KCNK12: variants seen among roughly 807,000 people sequenced by gnomAD.
KCNK12 encodes the protein potassium channel subfamily K member 12.
Under a neutral mutation model 25.3 loss-of-function variants are expected in KCNK12, and 6 were observed. The observed-to-expected ratio is 0.24, with a 90% CI of 0.13 to 0.47. The LOEUF is 0.47. Ranked by LOEUF, KCNK12 falls within the 20% of genes least tolerant of loss-of-function variation. The pLI is 0.99. For missense variants in KCNK12, 444 were observed against 661.7 expected, an observed-to-expected ratio of 0.67 and a Z score of 3.61; for synonymous variants, 331 against 311.1, an observed-to-expected ratio of 1.06 and a Z score of -0.67.
chr2:47,539,075 G>C (rs1669138234), intron 1 of KCNK12, among the ~76,000 whole-genome samples: 1 of 152,170 alleles, frequency 6.6e-6, no homozygotes, highest in Non-Finnish European at 1.5e-5. Context: ...AAGCAATGTG[G>C]AGCAAATTTT....
Position 47,515,249 on chromosome 2 carries a change from A to G in KCNK12, c.*5658T>C, listed in dbSNP as rs970341665. ...AACAGGAAGGCCTCTTTCCAGAAAC[A>G]CTGTAAGCCAGTGTTTCTCAGATTG... On this transcript the variant is annotated 3_prime_UTR_variant, in exon 2 of 2. Transcript: ENST00000327876. Among the ~76,000 whole-genome samples the G allele has an allele frequency of 6.6e-6, 1 of 152,170 alleles. No homozygotes were observed. The highest frequency in any genetic ancestry group is 1.5e-5 in the Non-Finnish European group (1 of 68,030).
chr2:47,542,875 T>C (rs1416605965), intron 1 of KCNK12, among the ~76,000 whole-genome samples: 2 of 152,216 alleles, frequency 1.3e-5, no homozygotes, highest in East Asian at 1.9e-4. Context: ...GGCCAACAAA[T>C]ACTTGGGTCA....
intron 1 of KCNK12, among the ~76,000 whole-genome samples, chr2:47,530,198 G>A (rs971293804): frequency 2.0e-5 from 3 of 152,204 alleles, no homozygotes; most frequent in African/African-American, 7.2e-5. Flanking sequence ...AGTGGGAGAT[G>A]GGGGAGGGCT....
chr2:47,564,379 G>A (rs998457798), intron 1 of KCNK12: 2 of 226,976 alleles, frequency 8.8e-6, no homozygotes, highest in Non-Finnish European at 1.8e-5. Flanking sequence ...GAAAGAAAAG[G>A]CCATCTTGCG....
At chr2:47,532,663 C>G (rs1668959960) in intron 1 of KCNK12, among the ~76,000 whole-genome samples, 2 of 152,216 alleles carry the variant, frequency 1.3e-5, no homozygotes. Context: ...ATTGGGAGCA[C>G]CTCCTAGCCA....
rs1203300435 is a variant in KCNK12, at chr2:47,566,343, C to G, written c.391+3598G>C. On this transcript the variant is annotated intron_variant, in intron 1 of 1. Transcript: ENST00000327876. This position sits in a 1 kb window ranked among gnomAD's most constrained non-coding sequence, Gnocchi z 4.1. ...CTGAACCTTTCATTACGTCTTCCAC[C>G]AGGTGAAAGCCCATTCCTGCTCCTT... is the stretch of plus-strand genomic sequence containing the variant. The G allele has an allele frequency of 6.6e-6, 1 of 152,198 alleles. No homozygotes were observed. Among genetic ancestry groups the G allele is most frequent in the African/African-American group, 2.4e-5 (1 of 41,434 alleles). The allele number at this position is 152,198 out of a possible 1,614,324, so 9.4% of individuals were successfully genotyped here.
rs756025666 is a variant in KCNK12 at position 47,551,132 on chromosome 2, C to T, written c.391+18809G>A. 3.3e-5 allele frequency among the ~76,000 whole-genome samples: 5 copies of T among 152,216 alleles called. No homozygotes were observed. The highest frequency in any genetic ancestry group is 7.3e-5 in the Non-Finnish European group (5 of 68,036). ...CCCTGCATGACCTAGTCTCTGGCTA[C>T]TGCTCTGAGCTCACATTCTAACTCC... is the stretch of plus-strand genomic sequence containing the variant. On this transcript the variant is annotated intron_variant, in intron 1 of 1. Coordinates refer to ENST00000327876, the MANE Select transcript of KCNK12 (RefSeq NM_022055.2). The surrounding 1 kb of genome is among the most constrained non-coding windows in gnomAD (Gnocchi z 5.3).
chr2:47,509,544 T>C lies in KCNK12; in HGVS notation c.*11363A>G, dbSNP rs182850831. The stretch of plus-strand genomic sequence containing the variant: ...GCAGATGGTACCTGGTGCAGGATTG[T>C]GGTGTCCAGGTGTCTCTCCTTAGCA... On this transcript the variant is annotated 3_prime_UTR_variant, in exon 2 of 2. Coordinates refer to ENST00000327876, the MANE Select transcript of KCNK12 (RefSeq NM_022055.2). 2.6e-5 allele frequency among the ~76,000 whole-genome samples: 4 copies of C among 152,366 alleles called. No individual in the cohort carries two copies. The highest frequency in any genetic ancestry group is 1.3e-4 in the Admixed American group (2 of 15,312).
rs1309332716 is a variant in KCNK12 at position 47,548,371 on chromosome 2, C to A, written c.391+21570G>T. ...GCACCCGGCTTGGAAGTGGAAAAGTCATTTCAGAATTAACATTTCCAAAAC... is the reference window on the plus strand; with the variant it reads ...GCACCCGGCTTGGAAGTGGAAAAGTAATTTCAGAATTAACATTTCCAAAAC... On this transcript the variant is annotated intron_variant, in intron 1 of 1. Coordinates refer to ENST00000327876, the MANE Select transcript of KCNK12 (RefSeq NM_022055.2). The surrounding 1 kb of genome is among the most constrained non-coding windows in gnomAD (Gnocchi z 4.4). Among the ~76,000 whole-genome samples the A allele has an allele frequency of 6.6e-6, 1 of 152,194 alleles. No individual in the cohort carries two copies. The highest frequency in any genetic ancestry group is 2.1e-4 in the South Asian group (1 of 4,828).
In KCNK12 at chr2:47,519,121, T is replaced by G. The variant is rs1363521956; in HGVS notation, c.*1786A>C. 6.6e-6 allele frequency: 1 copy of G among 152,218 alleles called. No homozygotes were observed. Among genetic ancestry groups the G allele is most frequent in the African/African-American group, 2.4e-5 (1 of 41,442 alleles). The allele number at this position is 152,218 out of a possible 1,614,324, so 9.4% of individuals were successfully genotyped here. ...TCCTGGCCAGCGCTGCTTCACTGGC[T>G]TCACCCCAGATTAGGGCCTGTGTTT... On this transcript the variant is annotated 3_prime_UTR_variant, in exon 2 of 2. Transcript: ENST00000327876.
rs1273849098 is a variant in KCNK12, at chr2:47,511,677, G to C, written c.*9230C>G. ...GAAGACAAGGCCACTTGGAGGCAGA[G>C]GAGACCACAGTGGGGCATGATGGTT... On this transcript the variant is annotated 3_prime_UTR_variant, in exon 2 of 2. Coordinates refer to ENST00000327876, the MANE Select transcript of KCNK12 (RefSeq NM_022055.2). The surrounding 1 kb of genome is among the most constrained non-coding windows in gnomAD (Gnocchi z 4.3). Among the ~76,000 whole-genome samples the C allele has an allele frequency of 1.3e-5, 2 of 152,218 alleles. No homozygotes were observed. Among genetic ancestry groups the C allele is most frequent in the Middle Eastern group, 3.2e-3 (1 of 316 alleles).
rs890808809 is a variant in KCNK12 at position 47,516,767 on chromosome 2, A to G, written c.*4140T>C. ...AAGCAAGGGGGAGCTTCCTTAGGGA[A>G]GAAGGGGAAGGGGAAGAGGGTTTGG... On this transcript the variant is annotated 3_prime_UTR_variant, in exon 2 of 2. Transcript: ENST00000327876. 2.1e-4 allele frequency: 32 copies of G among 152,320 alleles called. No homozygotes were observed. Among genetic ancestry groups the G allele is most frequent in the Admixed American group, 1.9e-3 (29 of 15,286 alleles). 9.4% of individuals were successfully genotyped at this position (152,320 alleles called of 1,614,324 possible).
intron 1 of KCNK12, among the ~76,000 whole-genome samples, chr2:47,537,581 G>A (rs540556335): frequency 2.0e-5 from 3 of 152,080 alleles, no homozygotes; most frequent in South Asian, 4.2e-4. Flanking sequence ...CGCCCGCCTC[G>A]GTCTCCCAAA....
chr2:47,548,162 C>T lies in KCNK12; in HGVS notation c.391+21779G>A, dbSNP rs72872822. 1.7e-3 allele frequency among the ~76,000 whole-genome samples: 256 copies of T among 152,290 alleles called. 1 individual carries two copies. Among genetic ancestry groups the T allele is most frequent in the African/African-American group, 5.9e-3 (245 of 41,560 alleles). On this transcript the variant is annotated intron_variant, in intron 1 of 1. Coordinates refer to ENST00000327876, the MANE Select transcript of KCNK12 (RefSeq NM_022055.2). This position sits in a 1 kb window ranked among gnomAD's most constrained non-coding sequence, Gnocchi z 4.4. Reference sequence around the variant, plus strand: ...GCCAAGCTTCCTGTAGCTTGCAGAACCGTAAGCCAATTAATCTTCTTTTCT... The same window carrying T: ...GCCAAGCTTCCTGTAGCTTGCAGAATCGTAAGCCAATTAATCTTCTTTTCT...
At chr2:47,568,740 C>T (rs937066708) in intron 1 of KCNK12, among the ~76,000 whole-genome samples, 4 of 152,162 alleles carry the variant, frequency 2.6e-5, no homozygotes, top group Admixed American at 2.6e-4. Flanking sequence ...TTCTCAAGCC[C>T]AGCAAATCCA....
At position 47,529,468 on chromosome 2, in the gene KCNK12, TTTG is replaced by T. The variant is rs1668871477; in HGVS notation, c.392-7663_392-7661del. ...TTGGAATCTGTCCAACTACAAATAT[TTTG>T]ATTTAAATTTCCATTGACCTAAAAT... On this transcript the variant is annotated intron_variant, in intron 1 of 1. Transcript: ENST00000327876. The surrounding 1 kb of genome is among the most constrained non-coding windows in gnomAD (Gnocchi z 4.3). 6.6e-6 allele frequency among the ~76,000 whole-genome samples: 1 copy of T among 152,214 alleles called. No homozygotes were observed. The highest frequency in any genetic ancestry group is 2.4e-5 in the African/African-American group (1 of 41,452).
At chr2:47,531,370 G>A (rs1668924201) in intron 1 of KCNK12, among the ~76,000 whole-genome samples, 1 of 152,098 alleles carries the variant, frequency 6.6e-6, no homozygotes, top group South Asian at 2.1e-4. Flanking sequence ...CTACTCAGGA[G>A]GCTGAAGTGA....
intron 1 of KCNK12, among the ~76,000 whole-genome samples, chr2:47,558,021 G>A (rs929159562): frequency 6.6e-6 from 1 of 152,218 alleles, no homozygotes; most frequent in African/African-American, 2.4e-5. Context: ...TTACAAAGCA[G>A]GTCATCATCT....
At chr2:47,521,833 G>A (rs376341436) in intron 1 of KCNK12, 25 bp from the exon 2 acceptor site, 103 of 1,489,116 alleles carry the variant, frequency 6.9e-5, no homozygotes, top group Non-Finnish European at 8.8e-5. Flanking sequence ...CAGGGTCAGC[G>A]CGGTCCTGGC....
Sources: gnomAD v4.1 joint callset for allele counts (sites outside exome capture counted in the v4.1 genomes callset) on GRCh38, gnomAD v4.1.1 for gene constraint, Gnocchi (gnomAD v3.1) non-coding constraint, MANE v1.5 for transcripts, NCBI Gene and HGNC (gene_info 2026-07-23, HGNC 2026-07-21) for gene names.